SUMF1: variants seen among roughly 807,000 people sequenced by gnomAD.
SUMF1 encodes sulfatase modifying factor 1.
In SUMF1, 48 loss-of-function variants were observed where a neutral mutation model predicts 47.6. That is an observed-to-expected ratio of 1.01 (90% CI 0.80 to 1.28). SUMF1 has a LOEUF of 1.28. Ranked by LOEUF, SUMF1 falls within the 50% of genes most tolerant of loss-of-function variation. The pLI is 0.00. For missense variants in SUMF1, 571 were observed against 485.4 expected (o/e 1.18, Z -1.66); for synonymous variants, 230 against 192.1 (o/e 1.20, Z -1.63).
chr3:4,439,792 C>T (rs1226304094), intron 3 of SUMF1, among the ~76,000 whole-genome samples: 1 of 151,658 alleles, frequency 6.6e-6, no homozygotes, highest in African/African-American at 2.4e-5. Flanking sequence ...AAACTCCTGG[C>T]CTCAAGCAAT....
At chr3:4,142,329 A>G (rs1055160382) in intron 8 of SUMF1, among the ~76,000 whole-genome samples, 1 of 152,170 alleles carries the variant, frequency 6.6e-6, no homozygotes, top group Admixed American at 6.5e-5. Flanking sequence ...AGTTCCTCTA[A>G]GAAGCTGAGA....
At chr3:4,388,511 A>G (rs1700745635) in intron 7 of SUMF1, among the ~76,000 whole-genome samples, 1 of 152,014 alleles carries the variant, frequency 6.6e-6, no homozygotes, top group Non-Finnish European at 1.5e-5. Context: ...TTAATCTACT[A>G]TGCCAATCTG....
At chr3:4,339,555 C>T (rs1559232583) in intron 8 of SUMF1, among the ~76,000 whole-genome samples, 1 of 151,956 alleles carries the variant, frequency 6.6e-6, no homozygotes, top group Non-Finnish European at 1.5e-5. Context: ...CTGCATCAAC[C>T]AGTCTGTTGT....
intron 8 of SUMF1, among the ~76,000 whole-genome samples, chr3:4,265,010 G>A (rs765935084): frequency 3.0e-4 from 46 of 152,140 alleles, no homozygotes; most frequent in Non-Finnish European, 5.0e-4. Context: ...GCGCATGCCT[G>A]TAATCCCAGC....
chr3:4,331,839 A>G (rs1480523256), intron 8 of SUMF1, among the ~76,000 whole-genome samples: 1 of 152,152 alleles, frequency 6.6e-6, no homozygotes, highest in Non-Finnish European at 1.5e-5. Flanking sequence ...CCAAAAAATT[A>G]AATAAATAAA....
intron 8 of SUMF1, among the ~76,000 whole-genome samples, chr3:4,116,647 T>A (rs1326266989): frequency 6.6e-6 from 1 of 152,170 alleles, no homozygotes; most frequent in Non-Finnish European, 1.5e-5. Context: ...TTCTTTTATA[T>A]GAAAAGCAAT....
Position 4,211,203 on chromosome 3 carries a change from C to CATACAT in SUMF1, c.1015-142459_1015-142458insATGTAT, listed in dbSNP as rs779146352. On this transcript the variant is annotated intron_variant and NMD_transcript_variant, in intron 8 of 12. Transcript: ENST00000448413. ...ATATACATATACATATACATACATA[C>CATACAT]ATATATATATATATATATATATATC... Among the ~76,000 whole-genome samples, 941 of 98,174 alleles carry CATACAT rather than the reference C, an allele frequency of 9.6e-3. 33 individuals carry two copies. Among genetic ancestry groups the CATACAT allele is most frequent in the African/African-American group, 0.034 (870 of 25,650 alleles). The allele number at this position is 98,174 out of a possible 152,430, so 64.4% of individuals were successfully genotyped here.
At chr3:4,128,215 T>C (rs968364096) in intron 8 of SUMF1, among the ~76,000 whole-genome samples, 1 of 152,152 alleles carries the variant, frequency 6.6e-6, no homozygotes, top group African/African-American at 2.4e-5. Context: ...GGAGCTCTTA[T>C]CATGCGAGTG....
chr3:4,395,907 C>T (rs1701024867), intron 7 of SUMF1, among the ~76,000 whole-genome samples: 1 of 152,136 alleles, frequency 6.6e-6, no homozygotes, highest in Non-Finnish European at 1.5e-5. Context: ...CTAATATTTA[C>T]CAAGCACATT....
intron 3 of SUMF1, among the ~76,000 whole-genome samples, chr3:4,434,146 G>A (rs537488949): frequency 1.3e-5 from 2 of 152,184 alleles, no homozygotes; most frequent in Non-Finnish European, 1.5e-5. Flanking sequence ...TGTTTAATGA[G>A]CATACAGCTT....
At chr3:4,370,002 G>A (rs1161297887) in intron 8 of SUMF1, among the ~76,000 whole-genome samples, 1 of 152,200 alleles carries the variant, frequency 6.6e-6, no homozygotes, top group Non-Finnish European at 1.5e-5. Context: ...GCTGTTATCA[G>A]GGAGCTGACA....
Position 4,105,322 on chromosome 3 carries a change from T to C in SUMF1, c.1015-36577A>G, listed in dbSNP as rs372894879. ...TTTTGAGATCTCTCGCATAGGCTGGTGATTATAGTTAATAACAATGTGTAT... is the reference window on the plus strand; with the variant it reads ...TTTTGAGATCTCTCGCATAGGCTGGCGATTATAGTTAATAACAATGTGTAT... On this transcript the variant is annotated intron_variant and NMD_transcript_variant, in intron 8 of 12. Coordinates refer to the SUMF1 transcript ENST00000448413. 3.9e-5 allele frequency among the ~76,000 whole-genome samples: 6 copies of C among 152,140 alleles called. No homozygotes were observed. The East Asian group carries it at 9.6e-4, about 24-fold the overall frequency.
chr3:4,156,702 C>T (rs1460805733), intron 8 of SUMF1, among the ~76,000 whole-genome samples: 2 of 151,568 alleles, frequency 1.3e-5, no homozygotes. Context: ...CTGCCCAATA[C>T]CTGGAGTAAG....
At chr3:4,456,865 T>TAC (rs1356002726) in intron 1 of SUMF1, among the ~76,000 whole-genome samples, 7 of 130,028 alleles carry the variant, frequency 5.4e-5, no homozygotes, top group African/African-American at 1.4e-4. Flanking sequence ...TATATATGTG[T>TAC]GTGTATATCT....
At chr3:4,234,287 C>A (rs1187685444) in intron 8 of SUMF1, among the ~76,000 whole-genome samples, 2 of 151,710 alleles carry the variant, frequency 1.3e-5, no homozygotes, top group African/African-American at 4.8e-5. Flanking sequence ...AATTCGCATG[C>A]AAGAAAAGGA....
At chr3:4,215,446 T>A (rs1407760269) in intron 8 of SUMF1, among the ~76,000 whole-genome samples, 1 of 152,174 alleles carries the variant, frequency 6.6e-6, no homozygotes, top group Non-Finnish European at 1.5e-5. Context: ...TCATACTGAA[T>A]GGGCAAAAGC....
At chr3:4,385,531 T>G (rs1040589992) in intron 7 of SUMF1, among the ~76,000 whole-genome samples, 4 of 152,198 alleles carry the variant, frequency 2.6e-5, no homozygotes, top group African/African-American at 4.8e-5. Context: ...TATGTGGCTT[T>G]TGTCAGATAT....
At chr3:4,346,033 T>C (rs958192842) in intron 8 of SUMF1, among the ~76,000 whole-genome samples, 2 of 151,260 alleles carry the variant, frequency 1.3e-5, no homozygotes, top group African/African-American at 2.4e-5. Flanking sequence ...TAAAACAAAT[T>C]TTTAGAGATC....
At chr3:4,159,477 G>GT (rs764501067) in intron 8 of SUMF1, among the ~76,000 whole-genome samples, 4 of 146,164 alleles carry the variant, frequency 2.7e-5, no homozygotes, top group Non-Finnish European at 5.9e-5. Context: ...TAAACCTTTT[G>GT]TTTTTTCTAT....
Sources: allele counts gnomAD v4.1 joint callset (sites outside exome capture counted in the v4.1 genomes callset), GRCh38; gene constraint gnomAD v4.1.1; transcripts MANE v1.5; gene names NCBI Gene and HGNC (gene_info 2026-07-23, HGNC 2026-07-21).